The following RARB variants were observed in gnomAD, a reference collection of about 807,000 sequenced individuals.
The protein encoded by RARB is retinoic acid receptor beta, also known as HBV-activated protein.
In RARB, 17 loss-of-function variants were observed where a neutral mutation model predicts 51.9. That is an observed-to-expected ratio of 0.33 (90% CI 0.22 to 0.49). The LOEUF (loss-of-function observed/expected upper bound fraction) is 0.49. Ranked by LOEUF, RARB falls within the 20% of genes least tolerant of loss-of-function variation. RARB has a pLI of 0.99. For synonymous variants in RARB, 215 were observed against 195.4 expected (o/e 1.10, Z -0.84); for missense variants, 369 against 550.8 (o/e 0.67, Z 3.30).
chr3:24,831,220 A>G (rs1428548159), intron 1 of RARB, among the ~76,000 whole-genome samples: 2 of 152,266 alleles, frequency 1.3e-5, no homozygotes, highest in African/African-American at 4.8e-5. Flanking sequence ...TGTCAGGGCT[A>G]TAAAATAGCC....
chr3:25,330,580 C>A (rs557650850), intron 5 of RARB, among the ~76,000 whole-genome samples: 1 of 152,158 alleles, frequency 6.6e-6, no homozygotes, highest in Non-Finnish European at 1.5e-5. Context: ...TAAAGACTAT[C>A]AATTCTAGGA....
chr3:24,917,254 C>G (rs1695126040), intron 2 of RARB, among the ~76,000 whole-genome samples: 1 of 151,898 alleles, frequency 6.6e-6, no homozygotes, highest in Non-Finnish European at 1.5e-5. Flanking sequence ...ACTTCATGAC[C>G]TTAGGTTAAG....
At position 25,387,961 on chromosome 3, in the gene RARB, A is replaced by G. The variant is rs571342760; in HGVS notation, c.179-73232A>G. Among the ~76,000 whole-genome samples, 14 of 152,236 alleles carry G rather than the reference A, an allele frequency of 9.2e-5. No homozygotes were observed. In the East Asian group the frequency reaches 2.1e-3, roughly 23 times the overall value. On this transcript the variant is annotated intron_variant, in intron 5 of 11. Coordinates refer to the RARB transcript ENST00000383772. ...ATAAAATGAAAACTTTCTTAGAGGC[A>G]TAAATCACTAAGGAGACTTCCCCCG...
At chr3:25,070,657 A>G (rs1295512976) in intron 3 of RARB, among the ~76,000 whole-genome samples, 1 of 152,372 alleles carries the variant, frequency 6.6e-6, no homozygotes, top group East Asian at 1.9e-4. Context: ...TATTTGCCAG[A>G]CACAATCCCT....
At chr3:25,589,423 G>T (rs924782826) in intron 5 of RARB, among the ~76,000 whole-genome samples, 3 of 152,226 alleles carry the variant, frequency 2.0e-5, no homozygotes, top group Non-Finnish European at 2.9e-5. Context: ...GCCATTTGAG[G>T]AGTTTTCTCC....
At chr3:25,448,279 G>A (rs1245734800) in intron 1 of RARB, among the ~76,000 whole-genome samples, 1 of 151,970 alleles carries the variant, frequency 6.6e-6, no homozygotes, top group Non-Finnish European at 1.5e-5. Flanking sequence ...TTGGAAGGTT[G>A]GTGAAAATGT....
intron 5 of RARB, among the ~76,000 whole-genome samples, chr3:25,209,440 G>T (rs911778154): frequency 6.6e-6 from 1 of 152,196 alleles, no homozygotes; most frequent in South Asian, 2.1e-4. Flanking sequence ...ATGTAGGCTA[G>T]GATGAGTTCA....
chr3:25,205,122 T>C (rs148963914), intron 5 of RARB, among the ~76,000 whole-genome samples: 14,319 of 152,170 alleles, frequency 0.094, 779 homozygotes, highest in Non-Finnish European at 0.12. Flanking sequence ...GCCTCAGCAA[T>C]GGCGGGTGCC....
At chr3:25,067,167 G>T (rs987131667) in intron 3 of RARB, among the ~76,000 whole-genome samples, 1 of 152,170 alleles carries the variant, frequency 6.6e-6, no homozygotes, top group South Asian at 2.1e-4. Context: ...AGGGAAGCCT[G>T]CCTGGAGAGG....
At chr3:25,468,018 C>T (rs1458380003) in intron 2 of RARB, among the ~76,000 whole-genome samples, 1 of 152,016 alleles carries the variant, frequency 6.6e-6, no homozygotes, top group Non-Finnish European at 1.5e-5. Context: ...TGATGGGGGT[C>T]AGGTGGGATC....
At chr3:25,000,725 CCTCT>C (rs1697141925) in intron 2 of RARB, among the ~76,000 whole-genome samples, 1 of 151,902 alleles carries the variant, frequency 6.6e-6, no homozygotes, top group South Asian at 2.1e-4. Context: ...AAGAATGTTC[CCTCT>C]AAGAGAAGTG....
At chr3:25,445,407 G>A (rs539638489) in intron 1 of RARB, among the ~76,000 whole-genome samples, 33 of 152,174 alleles carry the variant, frequency 2.2e-4, no homozygotes, top group Non-Finnish European at 4.3e-4. Flanking sequence ...GCTCACGCCT[G>A]TAATCCCAGC....
At chr3:25,066,815 C>T (rs1008852258) in intron 3 of RARB, among the ~76,000 whole-genome samples, 1 of 151,994 alleles carries the variant, frequency 6.6e-6, no homozygotes, top group African/African-American at 2.4e-5. Flanking sequence ...TTGTCCTCAT[C>T]TTATGTAAAC....
chr3:25,335,457 C>T (rs1705035694), intron 5 of RARB, among the ~76,000 whole-genome samples: 1 of 152,130 alleles, frequency 6.6e-6, no homozygotes, highest in African/African-American at 2.4e-5. Flanking sequence ...CCTCTGTGGC[C>T]CGGCATGTTG....
chr3:25,380,041 C>T (rs1376826496), intron 5 of RARB, among the ~76,000 whole-genome samples: 3 of 152,046 alleles, frequency 2.0e-5, no homozygotes, highest in African/African-American at 2.4e-5. Flanking sequence ...GATAAGAACT[C>T]GTTTTGAGGG....
intron 2 of RARB, among the ~76,000 whole-genome samples, chr3:24,973,014 C>A (rs1233382960): frequency 6.6e-6 from 1 of 151,954 alleles, no homozygotes; most frequent in Non-Finnish European, 1.5e-5. Context: ...GCTTTTGTTG[C>A]CTGTGCTTTT....
At position 25,339,531 on chromosome 3, in the gene RARB, G is replaced by A. The variant is rs75758071; in HGVS notation, c.179-121662G>A. Among the ~76,000 whole-genome samples the A allele has an allele frequency of 4.1e-3, 625 of 151,770 alleles. 2 individuals carry two copies. The highest frequency in any genetic ancestry group is 7.1e-3 in the Non-Finnish European group (482 of 67,970). ...TCTGACTCAGGAGGCTGCTGGAATC[G>A]CAAATCGTTTGTTTCTCAATTAAAT... On this transcript the variant is annotated intron_variant, in intron 5 of 11. Transcript: ENST00000383772.
At chr3:25,321,218 G>A (rs1704559967) in intron 5 of RARB, among the ~76,000 whole-genome samples, 1 of 152,190 alleles carries the variant, frequency 6.6e-6, no homozygotes, top group Non-Finnish European at 1.5e-5. Context: ...TATGTGTGAT[G>A]CATTCAGACT....
rs893608531 is a variant in RARB at position 25,151,060 on chromosome 3, G to C, written c.-280+18852G>C. 4.6e-5 allele frequency among the ~76,000 whole-genome samples: 7 copies of C among 152,200 alleles called. No individual in the cohort carries two copies. The East Asian group carries it at 1.2e-3, about 25-fold the overall frequency. On this transcript the variant is annotated intron_variant, in intron 4 of 11. Coordinates refer to the RARB transcript ENST00000383772. ...TATATACTCAGATCCCCTTTGACTA[G>C]AGTGGCCTGGAAAACTCATTTTGTG...
Sources: gnomAD v4.1 joint callset for allele counts (sites outside exome capture counted in the v4.1 genomes callset) on GRCh38, gnomAD v4.1.1 for gene constraint, MANE v1.5 for transcripts, NCBI Gene and HGNC (gene_info 2026-07-23, HGNC 2026-07-21) for gene names.